The following SMAD2 variants were observed in gnomAD, a reference collection of about 807,000 sequenced individuals.
SMAD2 encodes MAD homolog 2.
Under a neutral mutation model 64.4 loss-of-function variants are expected in SMAD2, and 8 were observed. That is an observed-to-expected ratio of 0.12 (90% CI 0.07 to 0.22). SMAD2 has a LOEUF of 0.22. Among genes scored for constraint, SMAD2 ranks in the 10% least tolerant of loss-of-function variants. The pLI is 1.00. For synonymous variants in SMAD2, 203 were observed against 195.8 expected (o/e 1.04, Z -0.31); for missense variants, 289 against 561.2 (o/e 0.51, Z 4.90).
chr18:47,866,105 T>C (rs1292584372), intron 5 of SMAD2, among the ~76,000 whole-genome samples: 1 of 151,520 alleles, frequency 6.6e-6, no homozygotes, highest in Non-Finnish European at 1.5e-5. Context: ...TCACCTGAGG[T>C]GGGGAGTTCG....
At chr18:47,930,732 C>A, upstream of SMAD2, 1 of 147,956 alleles carries the variant, frequency 6.8e-6, no homozygotes, top group South Asian at 2.1e-4. Flanking sequence ...CGCGCCCTCC[C>A]CCGCCAGCCC....
chr18:47,896,685 C>T lies in SMAD2; in HGVS notation c.72G>A (p.Gly24=), dbSNP rs1459207247. The T allele has an allele frequency of 1.2e-6, 2 of 1,614,146 alleles. No individual in the cohort carries two copies. Among genetic ancestry groups the T allele is most frequent in the Admixed American group, 3.3e-5 (2 of 60,006 alleles). Residue 24 remains glycine, a synonymous_variant, in exon 2 of 11, where the codon GGG becomes GGA. Coordinates refer to ENST00000262160, the MANE Select transcript of SMAD2 (RefSeq NM_005901.6). ...GCTCTCCTCCGCCTGCTCCTCCAGACCCACCAGCTGACTTCTTCCATCCCA... is the reference window on the plus strand; with the variant it reads ...GCTCTCCTCCGCCTGCTCCTCCAGATCCACCAGCTGACTTCTTCCATCCCA... The part of the protein sequence containing the change: ...RLLGWKKSAG[G]SGGAGGGEQN...
chr18:47,882,600 CTTTTCT>C (rs1269910322), intron 2 of SMAD2, among the ~76,000 whole-genome samples: 2 of 152,120 alleles, frequency 1.3e-5, no homozygotes, highest in Admixed American at 1.3e-4. Flanking sequence ...TAATCTTTAA[CTTTTCT>C]TTTAGTTGCA....
At position 47,841,454 on chromosome 18, in the gene SMAD2, T is replaced by C. The variant is rs1385506416; in HGVS notation, c.*373A>G. ...AGAAGCAGCGCACACACACACCTCATCTATGCAAACTAAAAATGTATATAA... is the reference window on the plus strand; with the variant it reads ...AGAAGCAGCGCACACACACACCTCACCTATGCAAACTAAAAATGTATATAA... On this transcript the variant is annotated 3_prime_UTR_variant, in exon 11 of 11. Transcript: ENST00000262160. 3.0e-5 allele frequency: 11 copies of C among 363,982 alleles called. No individual in the cohort carries two copies. Among genetic ancestry groups the C allele is most frequent in the Non-Finnish European group, 4.6e-5 (9 of 194,134 alleles). The allele number at this position is 363,982 out of a possible 1,614,324, so 22.5% of individuals were successfully genotyped here.
At chr18:47,861,184 C>T (rs974314206) in intron 6 of SMAD2, among the ~76,000 whole-genome samples, 3 of 152,010 alleles carry the variant, frequency 2.0e-5, no homozygotes, top group African/African-American at 2.4e-5. Context: ...GGAGAAACTC[C>T]GTCTCTACTA....
chr18:47,876,625 AAACT>A (rs1338366534), intron 2 of SMAD2, among the ~76,000 whole-genome samples: 17 of 152,078 alleles, frequency 1.1e-4, no homozygotes, highest in Admixed American at 2.0e-4. Context: ...ATTAATCACT[AAACT>A]AACAGGATGA....
At chr18:47,843,485 T>C (rs1247583489) in intron 10 of SMAD2, among the ~76,000 whole-genome samples, 4 of 152,318 alleles carry the variant, frequency 2.6e-5, no homozygotes, top group African/African-American at 4.8e-5. Flanking sequence ...AAATTCTTCA[T>C]ACATCTAAAT....
intron 6 of SMAD2, among the ~76,000 whole-genome samples, chr18:47,857,014 C>T (rs1036639964): frequency 2.6e-5 from 4 of 151,680 alleles, no homozygotes; most frequent in African/African-American, 7.3e-5. Flanking sequence ...CCCGCCACTA[C>T]GCCCGGCTAA....
chr18:47,917,689 T>C (rs2034390808), intron 1 of SMAD2, among the ~76,000 whole-genome samples: 1 of 152,186 alleles, frequency 6.6e-6, no homozygotes, highest in South Asian at 2.1e-4. Context: ...AACTCATCAT[T>C]GCATTGTAGA....
intron 1 of SMAD2, among the ~76,000 whole-genome samples, chr18:47,926,077 T>C (rs2034750648): frequency 6.6e-6 from 1 of 152,190 alleles, no homozygotes; most frequent in Non-Finnish European, 1.5e-5. Context: ...TGACATAGGG[T>C]GCTACCACAC....
chr18:47,842,433 G>T (rs148458237), intron 10 of SMAD2, among the ~76,000 whole-genome samples: 1 of 151,976 alleles, frequency 6.6e-6, no homozygotes, highest in East Asian at 1.9e-4. Context: ...CCAGCTACTC[G>T]GGAGGCTGAG....
chr18:47,912,945 G>A (rs1309512866), intron 1 of SMAD2, among the ~76,000 whole-genome samples: 2 of 148,400 alleles, frequency 1.3e-5, no homozygotes, highest in Admixed American at 1.3e-4. Context: ...TTTTTGAGGA[G>A]TTTCACTCTT....
intron 1 of SMAD2, among the ~76,000 whole-genome samples, chr18:47,919,535 T>C (rs2034481541): frequency 7.3e-6 from 1 of 136,328 alleles, no homozygotes; most frequent in Non-Finnish European, 1.6e-5. Flanking sequence ...ATAGGAGATC[T>C]AACAAAGAAG....
intron 5 of SMAD2, chr18:47,867,384 A>G (rs1410641033): frequency 6.6e-6 from 1 of 152,136 alleles, no homozygotes; most frequent in African/African-American, 2.4e-5. Flanking sequence ...TTCAATGAAT[A>G]AGCATTATTT....
At chr18:47,859,426 T>C (rs2030991746) in intron 6 of SMAD2, among the ~76,000 whole-genome samples, 1 of 152,182 alleles carries the variant, frequency 6.6e-6, no homozygotes, top group Non-Finnish European at 1.5e-5. Context: ...AGTTATAGCA[T>C]AAAATAATTT....
At chr18:47,882,401 T>C (rs1788130992) in intron 2 of SMAD2, 2 of 151,056 alleles carry the variant, frequency 1.3e-5, no homozygotes, top group South Asian at 4.2e-4. Flanking sequence ...CTTGCTTTGT[T>C]GACCAGGCTG....
At chr18:47,926,340 T>A (rs1369927311) in intron 1 of SMAD2, among the ~76,000 whole-genome samples, 1 of 152,220 alleles carries the variant, frequency 6.6e-6, no homozygotes. Context: ...TTAGGCTAAT[T>A]GATGAACATT....
Position 47,845,819 on chromosome 18 carries a change from G to C in SMAD2, c.998-19C>G, listed in dbSNP as rs773426373. The C allele has an allele frequency of 6.2e-7, 1 of 1,611,000 alleles. No individual in the cohort carries two copies. Among genetic ancestry groups the C allele is most frequent in the Non-Finnish European group, 8.5e-7 (1 of 1,177,276 alleles). Reference sequence around the variant, plus strand: ...CCTCTTCCTGAAACAAAATACAAATGAGATTAGTTTTGTAACATTTACTAT... The same window carrying C: ...CCTCTTCCTGAAACAAAATACAAATCAGATTAGTTTTGTAACATTTACTAT... On this transcript the variant is annotated intron_variant, in intron 8 of 10. Transcript: ENST00000262160.
At chr18:47,873,782 C>T (rs2032087956) in intron 2 of SMAD2, among the ~76,000 whole-genome samples, 1 of 152,160 alleles carries the variant, frequency 6.6e-6, no homozygotes, top group African/African-American at 2.4e-5. Context: ...ATGAGAGCTG[C>T]ATTTCTGTGG....
Sources: allele counts gnomAD v4.1 joint callset (sites outside exome capture counted in the v4.1 genomes callset), GRCh38; gene constraint gnomAD v4.1.1; transcripts MANE v1.5; gene names NCBI Gene and HGNC (gene_info 2026-07-23, HGNC 2026-07-21).